Variants in KCNG2 observed in about 807,000 individuals in gnomAD.
The protein encoded by KCNG2 is voltage-gated potassium channel regulatory subunit KCNG2.
In KCNG2, 7 loss-of-function variants were observed where a neutral mutation model predicts 12.3. That is an observed-to-expected ratio of 0.57 (90% CI 0.32 to 1.07). The LOEUF (loss-of-function observed/expected upper bound fraction) is 1.07. Ranked by LOEUF, KCNG2 falls within the 50% of genes least tolerant of loss-of-function variation. The pLI is 0.04. For missense variants in KCNG2, 703 were observed against 726.0 expected, an observed-to-expected ratio of 0.97 and a Z score of 0.36; for synonymous variants, 414 against 351.4, an observed-to-expected ratio of 1.18 and a Z score of -1.99.
chr18:79,815,615 C>G (rs2087522878), intron 1 of KCNG2, among the ~76,000 whole-genome samples: 1 of 152,194 alleles, frequency 6.6e-6, no homozygotes, highest in African/African-American at 2.4e-5. Context: ...GAGCCCTGCG[C>G]CCAGCTGTCC....
intron 1 of KCNG2, among the ~76,000 whole-genome samples, chr18:79,811,636 C>G (rs1460503582): frequency 1.3e-5 from 2 of 152,030 alleles, no homozygotes; most frequent in Non-Finnish European, 2.9e-5. Flanking sequence ...CAACATCAAG[C>G]TGAATCAGAT....
chr18:79,877,632 C>T (rs532274286), intron 3 of KCNG2, among the ~76,000 whole-genome samples: 9 of 151,978 alleles, frequency 5.9e-5, no homozygotes, highest in Non-Finnish European at 1.3e-4. Flanking sequence ...AGGCTGAAGC[C>T]GCAGAATCTT....
In KCNG2 at chr18:79,803,188, T is replaced by C. The variant is rs752547121; in HGVS notation, c.-115+5174T>C. ...GCAAGACTCTGTCTCAAAAAAAAAA[T>C]AGTTAACACTCATGAGATTGCCTGA... is the stretch of plus-strand genomic sequence containing the variant. On this transcript the variant is annotated intron_variant, in intron 1 of 3. Transcript: ENST00000316249. The surrounding 1 kb of genome is among the most constrained non-coding windows in gnomAD (Gnocchi z 4.5). Among the ~76,000 whole-genome samples, 1 of 151,724 alleles carries C rather than the reference T, an allele frequency of 6.6e-6. No homozygotes were observed. Among genetic ancestry groups the C allele is most frequent in the African/African-American group, 2.4e-5 (1 of 41,316 alleles).
intron 3 of KCNG2, among the ~76,000 whole-genome samples, chr18:79,867,889 C>T (rs1332676001): frequency 6.6e-6 from 1 of 152,106 alleles, no homozygotes; most frequent in Non-Finnish European, 1.5e-5. Context: ...CTGGGGGACA[C>T]TCATTGAAGG....
chr18:79,805,522 A>C (rs1020858045), intron 1 of KCNG2, among the ~76,000 whole-genome samples: 1 of 151,966 alleles, frequency 6.6e-6, no homozygotes, highest in African/African-American at 2.4e-5. Context: ...CTAAGGCTGA[A>C]TGTTTTTCTC....
intron 1 of KCNG2, among the ~76,000 whole-genome samples, chr18:79,827,654 TC>T (rs1978287155): frequency 6.6e-6 from 1 of 151,922 alleles, no homozygotes; most frequent in African/African-American, 2.4e-5. Flanking sequence ...GGACTCAGCC[TC>T]CCCCCTGGAT....
At chr18:79,813,848 G>T (rs1207455752) in intron 1 of KCNG2, among the ~76,000 whole-genome samples, 1 of 152,152 alleles carries the variant, frequency 6.6e-6, no homozygotes, top group Non-Finnish European at 1.5e-5. Flanking sequence ...TGCAAACCAC[G>T]TATTCACTAA....
intron 3 of KCNG2, among the ~76,000 whole-genome samples, chr18:79,897,495 G>T (rs1251986716): frequency 6.6e-6 from 1 of 152,014 alleles, no homozygotes; most frequent in Non-Finnish European, 1.5e-5. Flanking sequence ...CTTTAGTTTT[G>T]TGAACATATT....
chr18:79,869,918 A>C (rs987385554), intron 3 of KCNG2, among the ~76,000 whole-genome samples: 1 of 152,218 alleles, frequency 6.6e-6, no homozygotes, highest in Non-Finnish European at 1.5e-5. Context: ...CGTGGCATGG[A>C]TGTTTTAATC....
Position 79,863,627 on chromosome 18 carries a change from G to A in KCNG2, c.-40-1G>A. The A allele has an allele frequency of 8.3e-7, 1 of 1,203,198 alleles. No homozygotes were observed. The highest frequency in any genetic ancestry group is 1.0e-6 in the Non-Finnish European group (1 of 969,962). The allele number at this position is 1,203,198 out of a possible 1,614,324, so 74.5% of individuals were successfully genotyped here. A position where few individuals can be genotyped will look rare whatever the true frequency, so the allele number is the denominator to read the frequency against. On this transcript the variant is annotated splice_acceptor_variant, in intron 2 of 3. Transcript: ENST00000316249. LOFTEE classifies it low-confidence loss of function (5UTR_SPLICE). ...CCTAACGCGGTCCGTTCCTTTTGCA[G>A]GAGCCGGGCAGGAGCCCCTCGGTCC...
chr18:79,819,666 C>A (rs2087556877), intron 1 of KCNG2, among the ~76,000 whole-genome samples: 1 of 152,258 alleles, frequency 6.6e-6, no homozygotes, highest in African/African-American at 2.4e-5. Context: ...AGGCCGTCCA[C>A]CTCCCCTACG....
At chr18:79,813,967 T>C (rs2087510406) in intron 1 of KCNG2, among the ~76,000 whole-genome samples, 1 of 152,206 alleles carries the variant, frequency 6.6e-6, no homozygotes, top group South Asian at 2.1e-4. Flanking sequence ...CCTTTCACTG[T>C]GGAAAACTCA....
intron 3 of KCNG2, among the ~76,000 whole-genome samples, chr18:79,893,817 C>CT (rs1980840209): frequency 6.7e-6 from 1 of 150,000 alleles, no homozygotes; most frequent in South Asian, 2.1e-4. Context: ...CTGTGTCTGC[C>CT]TTTGATTGGG....
chr18:79,899,259 C>A lies in KCNG2; in HGVS notation c.844C>A (p.Arg282Ser). ...AGPGGTKLLE[R>S]AGLVLRLLRA... ...CCCGGGCGGGACCAAGCTCCTGGAG[C>A]GCGCGGGGCTGGTGCTGCGGCTGCT... The change falls in exon 4 of 4, where the codon CGC becomes AGC. Residue 282 changes from arginine to serine, a missense_variant. Physicochemically the swap from Arg to Ser is moderately radical, Grantham distance 110. Transcript: ENST00000316249. 6.3e-7 allele frequency: 1 copy of A among 1,588,118 alleles called. No individual in the cohort carries two copies. The highest frequency in any genetic ancestry group is 8.5e-7 in the Non-Finnish European group (1 of 1,173,934).
At chr18:79,823,940 C>T (rs778636936) in intron 1 of KCNG2, among the ~76,000 whole-genome samples, 10 of 152,222 alleles carry the variant, frequency 6.6e-5, no homozygotes, top group Non-Finnish European at 1.5e-4. Context: ...AAACAGTACA[C>T]ATTCCTTGTG....
At chr18:79,862,478 G>A (rs1371256858) in intron 2 of KCNG2, among the ~76,000 whole-genome samples, 1 of 152,174 alleles carries the variant, frequency 6.6e-6, no homozygotes, top group Non-Finnish European at 1.5e-5. Context: ...ACTCATCCAG[G>A]CTGGTCAAGC....
At chr18:79,811,162 A>T (rs1485608049) in intron 1 of KCNG2, among the ~76,000 whole-genome samples, 2 of 152,220 alleles carry the variant, frequency 1.3e-5, no homozygotes, top group Non-Finnish European at 2.9e-5. Flanking sequence ...TCCCAAACTG[A>T]TCTATAGATT....
chr18:79,806,169 A>G (rs2087447955), intron 1 of KCNG2, among the ~76,000 whole-genome samples: 1 of 152,228 alleles, frequency 6.6e-6, no homozygotes, highest in South Asian at 2.1e-4. Flanking sequence ...GCTGAGAGCC[A>G]GGCATCCAGC....
intron 1 of KCNG2, among the ~76,000 whole-genome samples, chr18:79,837,290 C>A (rs1405695381): frequency 1.3e-5 from 2 of 152,234 alleles, no homozygotes; most frequent in Non-Finnish European, 2.9e-5. Flanking sequence ...TGGCCTTGGG[C>A]AGCTCTGCCC....
Sources: gnomAD v4.1 joint callset for allele counts (sites outside exome capture counted in the v4.1 genomes callset) on GRCh38, gnomAD v4.1.1 for gene constraint, Gnocchi (gnomAD v3.1) non-coding constraint, MANE v1.5 for transcripts, NCBI Gene and HGNC (gene_info 2026-07-23, HGNC 2026-07-21) for gene names.